Variants in MTRF1 observed in about 807,000 individuals in gnomAD.
The protein encoded by MTRF1 is mitochondrial translation release factor 1, also known as peptide chain release factor 1, mitochondrial.
Under a neutral mutation model 62.9 loss-of-function variants are expected in MTRF1, and 51 were observed. That is an observed-to-expected ratio of 0.81 (90% CI 0.65 to 1.02). The LOEUF (loss-of-function observed/expected upper bound fraction) is 1.02. Among genes scored for constraint, MTRF1 ranks in the 50% least tolerant of loss-of-function variants. The probability of loss-of-function intolerance (pLI) is 0.00; values close to 1 mark genes in which losing one functional copy is unlikely to be tolerated. For synonymous variants in MTRF1, 158 were observed against 181.9 expected, an observed-to-expected ratio of 0.87 and a Z score of 1.06; for missense variants, 446 against 530.0, an observed-to-expected ratio of 0.84 and a Z score of 1.56.
the MTRF1 span, among the ~76,000 whole-genome samples, chr13:41,294,739 A>G: frequency 1.3e-5 from 2 of 152,200 alleles, no homozygotes; most frequent in Non-Finnish European, 2.9e-5. Context: ...TCTATGGTAC[A>G]TATTGTCAGA....
intron 4 of MTRF1, 80 bp downstream of exon 4, chr13:41,252,868 AC>A: frequency 1.5e-6 from 2 of 1,356,742 alleles, no homozygotes; most frequent in Non-Finnish European, 2.1e-6. Context: ...CATTTAATGG[AC>A]TTTTAAAGTT....
chr13:41,254,735 A>AATTTATACAT, intron 2 of MTRF1, 115 bp from the exon 3 acceptor site: 1 of 660,008 alleles, frequency 1.5e-6, no homozygotes. Context: ...AAGGCAAGGG[A>AATTTATACAT]TTATACAAAG....
the MTRF1 span, among the ~76,000 whole-genome samples, chr13:41,289,274 A>G: frequency 7.4e-6 from 1 of 135,502 alleles, no homozygotes; most frequent in Non-Finnish European, 1.5e-5. Flanking sequence ...TCGCTCTGTC[A>G]CCCAGGCTGG....
chr13:41,224,586 T>A (rs989043483), intron 8 of MTRF1, among the ~76,000 whole-genome samples: 2 of 152,190 alleles, frequency 1.3e-5, no homozygotes, highest in Admixed American at 6.5e-5. Context: ...TGGAAACCAC[T>A]GTCCCAAAGC....
intron 2 of MTRF1, among the ~76,000 whole-genome samples, chr13:41,258,586 A>C (rs889568082): frequency 6.6e-6 from 1 of 151,332 alleles, no homozygotes; most frequent in African/African-American, 2.4e-5. Context: ...AAAAAAAAAA[A>C]ACATAAAAAA....
intron 7 of MTRF1, among the ~76,000 whole-genome samples, chr13:41,230,996 G>C (rs919006739): frequency 4.6e-5 from 7 of 152,278 alleles, no homozygotes; most frequent in Middle Eastern, 3.4e-3. Flanking sequence ...AAAGTGCTGG[G>C]ATTACAGGCG....
At chr13:41,283,007 C>G in the MTRF1 span, among the ~76,000 whole-genome samples, 3 of 152,180 alleles carry the variant, frequency 2.0e-5, no homozygotes, top group Non-Finnish European at 4.4e-5. Flanking sequence ...TTCTGCCCAC[C>G]AAGCTGATTT....
At chr13:41,273,093 G>A in the MTRF1 span, among the ~76,000 whole-genome samples, 9 of 152,104 alleles carry the variant, frequency 5.9e-5, no homozygotes, top group Middle Eastern at 3.2e-3. Flanking sequence ...TTGGGAGGCC[G>A]AGGCGGGTGG....
chr13:41,298,929 C>CA, the MTRF1 span, among the ~76,000 whole-genome samples: 2 of 152,162 alleles, frequency 1.3e-5, no homozygotes, highest in Non-Finnish European at 2.9e-5. Flanking sequence ...CCTGTAATCC[C>CA]AGCACTTTGG....
the MTRF1 span, among the ~76,000 whole-genome samples, chr13:41,292,580 CAAAAAAAAA>C: frequency 3.3e-5 from 2 of 61,246 alleles, no homozygotes; most frequent in Non-Finnish European, 3.2e-5. Context: ...GATTCTGTCT[CAAAAAAAAA>C]AAAAAAAAAA....
chr13:41,311,285 C>T, the MTRF1 span: 26 of 548,698 alleles, frequency 4.7e-5, no homozygotes, highest in African/African-American at 3.2e-4. Context: ...CGGGAACCGC[C>T]GCCGCCGCCG....
At chr13:41,275,553 C>T in the MTRF1 span, among the ~76,000 whole-genome samples, 74 of 151,290 alleles carry the variant, frequency 4.9e-4, no homozygotes, top group African/African-American at 1.6e-3. Flanking sequence ...AGTGCAGCAG[C>T]GTGATCTTGG....
the MTRF1 span, among the ~76,000 whole-genome samples, chr13:41,284,324 GAA>G: frequency 4.7e-5 from 6 of 126,424 alleles, no homozygotes; most frequent in Non-Finnish European, 6.8e-5. Flanking sequence ...CATCTCTACT[GAA>G]AAAAAAAAAA....
chr13:41,282,079 A>G, the MTRF1 span, among the ~76,000 whole-genome samples: 1 of 151,132 alleles, frequency 6.6e-6, no homozygotes, highest in Admixed American at 6.6e-5. Flanking sequence ...CGGAGCTTGC[A>G]GTGAGCTGAG....
At chr13:41,268,138 CA>C (rs1282259724), upstream of MTRF1, among the ~76,000 whole-genome samples, 1 of 152,060 alleles carries the variant, frequency 6.6e-6, no homozygotes, top group Non-Finnish European at 1.5e-5. Context: ...AATCCTTAAA[CA>C]AAAGCCTTAT....
rs1006052094 is a variant in MTRF1, at chr13:41,217,356, T to C, written c.1225-128A>G. On this transcript the variant is annotated intron_variant, in intron 9 of 9. Transcript: ENST00000379480. ...ATAAAGGATTACTAATGTTCTGTAA[T>C]ACAATGAACACAATCGCTAACTTGG... 9.7e-6 allele frequency: 5 copies of C among 518,014 alleles called. No individual in the cohort carries two copies. In the African/African-American group the frequency reaches 9.7e-5, roughly 10 times the overall value. 32.1% of individuals were successfully genotyped at this position (518,014 alleles called of 1,614,324 possible). A position where few individuals can be genotyped will look rare whatever the true frequency, so the allele number is the denominator to read the frequency against.
At chr13:41,300,704 C>G in the MTRF1 span, among the ~76,000 whole-genome samples, 4 of 152,158 alleles carry the variant, frequency 2.6e-5, no homozygotes, top group East Asian at 7.7e-4. Flanking sequence ...GCCACTGCAC[C>G]TGGCCTTACC....
At chr13:41,309,678 T>A in the MTRF1 span, among the ~76,000 whole-genome samples, 2 of 152,252 alleles carry the variant, frequency 1.3e-5, no homozygotes, top group African/African-American at 4.8e-5. Context: ...TTCTTTCATG[T>A]CCAACCAACT....
At chr13:41,289,800 C>A in the MTRF1 span, among the ~76,000 whole-genome samples, 4 of 152,296 alleles carry the variant, frequency 2.6e-5, no homozygotes, top group East Asian at 1.9e-4. Flanking sequence ...GGGCCCAATT[C>A]TTCTCCATGA....
Sources: gnomAD v4.1 joint callset for allele counts (sites outside exome capture counted in the v4.1 genomes callset) on GRCh38, gnomAD v4.1.1 for gene constraint, MANE v1.5 for transcripts, NCBI Gene and HGNC (gene_info 2026-07-23, HGNC 2026-07-21) for gene names.